IL12RB1: variants seen among roughly 807,000 people sequenced by gnomAD.
IL12RB1 encodes the protein interleukin 12 receptor subunit beta 1.
Under a neutral mutation model 94.4 loss-of-function variants are expected in IL12RB1, and 64 were observed. The observed-to-expected ratio is 0.68, with a 90% confidence interval of 0.55 to 0.83. The LOEUF (loss-of-function observed/expected upper bound fraction) is 0.83. Among genes scored for constraint, IL12RB1 ranks in the 40% least tolerant of loss-of-function variants. IL12RB1 has a pLI of 0.00. For missense variants in IL12RB1, 814 were observed against 855.6 expected (o/e 0.95, Z 0.61); for synonymous variants, 362 against 355.5 (o/e 1.02, Z -0.21).
chr19:18,082,803 A>G (rs439409), intron 2 of IL12RB1, among the ~76,000 whole-genome samples: 110,314 of 152,050 alleles, frequency 0.73, 40,447 homozygotes, highest in East Asian at 0.94. Context: ...ATGGCCGGGC[A>G]CGGTGGCTCA....
intron 5 of IL12RB1, 32 bp downstream of exon 5, chr19:18,077,484 G>T: frequency 6.4e-7 from 1 of 1,572,870 alleles, no homozygotes; most frequent in Non-Finnish European, 8.7e-7. Flanking sequence ...GGAGAGGCCC[G>T]TGTCCACCCT....
At position 18,059,891 on chromosome 19, in the gene IL12RB1, G is replaced by T; in HGVS notation, c.1983+3C>A. ...GACCGTCTGGCCCACTGGGCCCCAG[G>T]ACCTTGGCCTTGCACCTGTCTCCAT... On this transcript the variant is annotated splice_donor_region_variant and intron_variant, in intron 16 of 16. Coordinates refer to ENST00000593993, the MANE Select transcript of IL12RB1 (RefSeq NM_005535.3). The T allele has an allele frequency of 1.3e-6, 2 of 1,560,200 alleles. No homozygotes were observed. The highest frequency in any genetic ancestry group is 1.7e-6 in the Non-Finnish European group (2 of 1,147,992).
chr19:18,059,542 A>G lies in IL12RB1; in HGVS notation c.*66T>C. ...GAGGAGCTCTGGGTTATTTGGGTCC[A>G]AATGTGACTCCTGTGTGTGCTACGT... On this transcript the variant is annotated 3_prime_UTR_variant, in exon 17 of 17. Coordinates refer to ENST00000593993, the MANE Select transcript of IL12RB1 (RefSeq NM_005535.3). 5.2e-6 allele frequency: 4 copies of G among 772,204 alleles called. No individual in the cohort carries two copies. Among genetic ancestry groups the G allele is most frequent in the Non-Finnish European group, 7.3e-6 (3 of 413,738 alleles). 47.8% of individuals were successfully genotyped at this position (772,204 alleles called of 1,614,324 possible).
intron 12 of IL12RB1, among the ~76,000 whole-genome samples, chr19:18,065,056 G>A (rs1420271256): frequency 6.6e-6 from 1 of 152,040 alleles, no homozygotes; most frequent in Admixed American, 6.6e-5. Flanking sequence ...ATTAAAAGCG[G>A]GTATAAATAT....
chr19:18,084,366 CCGTCCATT>C (rs1279315139), intron 1 of IL12RB1, among the ~76,000 whole-genome samples: 2 of 150,120 alleles, frequency 1.3e-5, no homozygotes, highest in African/African-American at 4.9e-5. Flanking sequence ...ACCCATTTAT[CCGTCCATT>C]CGTCCATTCA....
rs370768923 is a variant in IL12RB1, at chr19:18,097,143, G to A, written c.-230+1612C>T. On this transcript the variant is annotated intron_variant, in intron 1 of 4. Coordinates refer to the IL12RB1 transcript ENST00000594176. ...CCTCACTCGCCTCACCCTAGAACCC[G>A]TTCTGCTGTGTGTACTGGGCACATT... Among the ~76,000 whole-genome samples the A allele has an allele frequency of 6.6e-5, 10 of 152,002 alleles. No individual in the cohort carries two copies. The East Asian group carries it at 1.3e-3, about 21-fold the overall frequency.
upstream of IL12RB1, among the ~76,000 whole-genome samples, chr19:18,089,376 A>G (rs1437330907): frequency 6.6e-6 from 1 of 152,126 alleles, no homozygotes; most frequent in African/African-American, 2.4e-5. Context: ...CTGCAATCCC[A>G]GCACTTGGGA....
intron 5 of IL12RB1, among the ~76,000 whole-genome samples, chr19:18,076,809 GT>G (rs1216797845): frequency 9.2e-5 from 14 of 152,002 alleles, no homozygotes; most frequent in Admixed American, 9.2e-4. Flanking sequence ...ATATAAAGCA[GT>G]AAAAAATTAT....
At chr19:18,076,539 G>A (rs17882031) in intron 5 of IL12RB1, among the ~76,000 whole-genome samples, 8,090 of 152,070 alleles carry the variant, frequency 0.053, 692 homozygotes, top group African/African-American at 0.18. Flanking sequence ...GAGTAGTTGG[G>A]ACTACAGGCA....
chr19:18,075,980 G>A (rs1433054278), intron 6 of IL12RB1, 112 bp from the exon 7 acceptor site: 4 of 1,047,374 alleles, frequency 3.8e-6, no homozygotes, highest in Admixed American at 1.7e-5. Flanking sequence ...GCCACGTGCT[G>A]GGTCCTGGGG....
At chr19:18,066,181 C>T (rs2034567362) in intron 12 of IL12RB1, among the ~76,000 whole-genome samples, 1 of 151,992 alleles carries the variant, frequency 6.6e-6, no homozygotes, top group African/African-American at 2.4e-5. Flanking sequence ...AATCTCGGCT[C>T]ACTGCAATCT....
At chr19:18,062,858 C>T (rs2034251303) in intron 13 of IL12RB1, among the ~76,000 whole-genome samples, 1 of 151,792 alleles carries the variant, frequency 6.6e-6, no homozygotes, top group African/African-American at 2.4e-5. Context: ...TGCCTGCCCC[C>T]CACCAACCCT....
chr19:18,070,778 A>C (rs2034970693), intron 9 of IL12RB1: 1 of 151,838 alleles, frequency 6.6e-6, no homozygotes, highest in Admixed American at 6.6e-5. Context: ...TGTCTCTACA[A>C]AAAATAAAAA....
intron 1 of IL12RB1, among the ~76,000 whole-genome samples, chr19:18,093,575 CAGGGAA>C (rs1284930222): frequency 6.6e-6 from 1 of 152,118 alleles, no homozygotes; most frequent in Admixed American, 6.6e-5. Context: ...AACCCTGGTT[CAGGGAA>C]CCTCTCTTTC....
At chr19:18,072,052 C>A in intron 9 of IL12RB1, 60 bp downstream of exon 9, 1 of 1,156,998 alleles carries the variant, frequency 8.6e-7, no homozygotes, top group Non-Finnish European at 1.3e-6. Context: ...AGCTGAGGCT[C>A]AGAGTAGGTG....
chr19:18,080,426 A>G (rs1431046574), intron 4 of IL12RB1, among the ~76,000 whole-genome samples: 2 of 152,028 alleles, frequency 1.3e-5, no homozygotes, highest in African/African-American at 4.8e-5. Context: ...TTTAATAGAG[A>G]TGGGGTTTCA....
intron 6 of IL12RB1, 31 bp from the exon 7 acceptor site, chr19:18,075,899 T>G: frequency 6.2e-7 from 1 of 1,609,476 alleles, no homozygotes; most frequent in Non-Finnish European, 8.5e-7. Context: ...CATCAGGCCG[T>G]AAGAATTGTC....
intron 9 of IL12RB1, 74 bp downstream of exon 9, chr19:18,072,038 G>T: frequency 9.7e-7 from 1 of 1,030,648 alleles, no homozygotes; most frequent in Non-Finnish European, 1.5e-6. Context: ...TCTCACCCTG[G>T]TCTAGCTGAG....
rs2034761527 is a variant in IL12RB1, at chr19:18,068,470, T to C, written c.1246A>G (p.Ile416Val). The change falls in exon 11 of 17, where the codon ATT (isoleucine) becomes GTT (valine). Residue 416 changes from isoleucine to valine, a missense_variant. By Grantham distance (29) the Ile-to-Val change is conservative. Transcript: ENST00000593993. ...GAMGQEKCYYITIFASAHPEK... is the reference protein window; with the variant it reads ...GAMGQEKCYYVTIFASAHPEK... ...GGGTGCGCAGAGGCAAAGATGGTAATGTAGTAACACTTTTCCTGCCCCATT... is the reference window on the plus strand; with the variant it reads ...GGGTGCGCAGAGGCAAAGATGGTAACGTAGTAACACTTTTCCTGCCCCATT... The C allele has an allele frequency of 3.7e-6, 6 of 1,611,978 alleles. No individual in the cohort carries two copies. The highest frequency in any genetic ancestry group is 5.1e-6 in the Non-Finnish European group (6 of 1,178,370).
Sources: allele counts gnomAD v4.1 joint callset (sites outside exome capture counted in the v4.1 genomes callset), GRCh38; gene constraint gnomAD v4.1.1; transcripts MANE v1.5; gene names NCBI Gene and HGNC (gene_info 2026-07-23, HGNC 2026-07-21).